The following HOXD12 variants were observed in gnomAD, a reference collection of about 807,000 sequenced individuals.
HOXD12 encodes homeobox D12.
A neutral mutation model predicts 20.2 loss-of-function variants in HOXD12; 21 were observed. That is an observed-to-expected ratio of 1.04 (90% CI 0.74 to 1.50). The LOEUF (loss-of-function observed/expected upper bound fraction) is 1.50, where lower values mean the gene tolerates loss of function less well. HOXD12 is among the 40% of genes most tolerant of loss of function. The pLI, the probability that HOXD12 is intolerant of heterozygous loss-of-function variation, is 0.00. For missense variants in HOXD12, 472 were observed against 365.5 expected (o/e 1.29, Z -2.38); for synonymous variants, 196 against 168.8 (o/e 1.16, Z -1.25).
Position 176,100,117 on chromosome 2 carries a change from G to C in HOXD12, c.316G>C (p.Ala106Pro), listed in dbSNP as rs1323289138. 3 of 1,609,338 alleles carry C rather than the reference G, an allele frequency of 1.9e-6. No individual in the cohort carries two copies. The highest frequency in any genetic ancestry group is 2.2e-5 in the East Asian group (1 of 44,850). The change falls in exon 1 of 2, where the codon GCC becomes CCC. Residue 106 changes from alanine (A) to proline (P), a missense_variant. Physicochemically the swap from Ala to Pro is conservative, Grantham distance 27. Transcript: ENST00000406506. ...GGCTAAGTTCTATGCGCCCGAAGCGGCCGCTGGGCCAGAGGAGCGCGGTCG... is the reference window on the plus strand; with the variant it reads ...GGCTAAGTTCTATGCGCCCGAAGCGCCCGCTGGGCCAGAGGAGCGCGGTCG... ...EQAKFYAPEA[A>P]AGPEERGRTR...
Position 176,101,837 on chromosome 2 carries a change from A to G in HOXD12, c.*1077A>G, listed in dbSNP as rs1559111670. ...TAAGGATAGGCAAAAATCCTTCTCA[A>G]GAGTCAAGGGGAGGGGAAGGAAGTC... is the stretch of plus-strand genomic sequence containing the variant. On this transcript the variant is annotated 3_prime_UTR_variant, in exon 2 of 2. Transcript: ENST00000406506. 6.6e-6 allele frequency among the ~76,000 whole-genome samples: 1 copy of G among 151,922 alleles called. No homozygotes were observed. Among genetic ancestry groups the G allele is most frequent in the African/African-American group, 2.4e-5 (1 of 41,354 alleles).
At position 176,100,068 on chromosome 2, in the gene HOXD12, A is replaced by G; in HGVS notation, c.267A>G (p.Thr89=). The G allele has an allele frequency of 1.9e-6, 3 of 1,594,162 alleles. No homozygotes were observed. Among genetic ancestry groups the G allele is most frequent in the Non-Finnish European group, 2.6e-6 (3 of 1,171,684 alleles). The change falls in exon 1 of 2, where the codon ACA becomes ACG. Residue 89 remains threonine, a synonymous_variant. Transcript: ENST00000406506. ...GSGPLGLQPP[T]AKDGPEEQAK... is the part of the protein sequence containing the mutation. ...GGCCTCTCGGCCTGCAGCCCCCAAC[A>G]GCCAAAGACGGACCCGAAGAGCAGG... is the stretch of plus-strand genomic sequence containing the variant.
At position 176,101,518 on chromosome 2, in the gene HOXD12, C is replaced by T. The variant is rs1432424966; in HGVS notation, c.*758C>T. On this transcript the variant is annotated 3_prime_UTR_variant, in exon 2 of 2. Transcript: ENST00000406506. The stretch of plus-strand genomic sequence containing the variant: ...GAGAGACTGGGACTCCAGACAAGTG[C>T]CATCTCCAGACAAGACTGGCAAACA... 6.6e-6 allele frequency among the ~76,000 whole-genome samples: 1 copy of T among 152,126 alleles called. No individual in the cohort carries two copies. The highest frequency in any genetic ancestry group is 2.4e-5 in the African/African-American group (1 of 41,436).
chr2:176,099,925 A>G lies in HOXD12; in HGVS notation c.124A>G (p.Ile42Val), dbSNP rs202101963. 1.1e-3 allele frequency: 1,782 copies of G among 1,594,272 alleles called. 7 individuals carry two copies. Among genetic ancestry groups the G allele is most frequent in the Non-Finnish European group, 1.0e-3 (1,188 of 1,173,106 alleles). The change falls in exon 1 of 2, where the codon ATC becomes GTC. Residue 42 changes from isoleucine to valine, a missense_variant. Coordinates refer to ENST00000406506, the MANE Select transcript of HOXD12 (RefSeq NM_021193.4). ...NGGQLAALPP[I>V]SYPRGALPWA... The stretch of plus-strand genomic sequence containing the variant: ...CGGCCAGTTGGCCGCGCTTCCCCCT[A>G]TCTCCTACCCGCGCGGCGCGCTGCC...
In HOXD12 at chr2:176,100,662, C is replaced by T. The variant is rs1689482268; in HGVS notation, c.715C>T (p.Leu239=). The T allele has an allele frequency of 6.2e-7, 1 of 1,613,854 alleles. No individual in the cohort carries two copies. Among genetic ancestry groups the T allele is most frequent in the Admixed American group, 1.7e-5 (1 of 60,006 alleles). Reference sequence around the variant, plus strand: ...GAAACGCAAGGAATTGTCCAATAGGCTGAACCTCAGCGACCAGCAAGTCAA... The same window carrying T: ...GAAACGCAAGGAATTGTCCAATAGGTTGAACCTCAGCGACCAGCAAGTCAA... ...RQKRKELSNR[L]NLSDQQVKIW... Residue 239 remains leucine, a synonymous_variant, in exon 2 of 2, where the codon CTG becomes TTG. Coordinates refer to ENST00000406506, the MANE Select transcript of HOXD12 (RefSeq NM_021193.4).
In HOXD12 at chr2:176,100,119, C is replaced by A; in HGVS notation, c.318C>A (p.Ala106=). Residue 106 remains alanine (A), a synonymous_variant, in exon 1 of 2, where the codon GCC becomes GCA. Transcript: ENST00000406506. The part of the protein sequence containing the change: ...EQAKFYAPEA[A]AGPEERGRTR... ...CTAAGTTCTATGCGCCCGAAGCGGCCGCTGGGCCAGAGGAGCGCGGTCGTA... is the reference window on the plus strand; with the variant it reads ...CTAAGTTCTATGCGCCCGAAGCGGCAGCTGGGCCAGAGGAGCGCGGTCGTA... 1.3e-5 allele frequency: 21 copies of A among 1,609,924 alleles called. No homozygotes were observed. Among genetic ancestry groups the A allele is most frequent in the East Asian group, 2.2e-5 (1 of 44,852 alleles).
rs1689460804 is a variant in HOXD12 at position 176,099,820 on chromosome 2, T to C, written c.19T>C (p.Tyr7His). 2 of 1,524,778 alleles carry C rather than the reference T, an allele frequency of 1.3e-6. No homozygotes were observed. The highest frequency in any genetic ancestry group is 2.6e-5 in the South Asian group (2 of 76,852). The allele number at this position is 1,524,778 out of a possible 1,614,324, so 94.5% of individuals were successfully genotyped here. The change falls in exon 1 of 2, where the codon TAC becomes CAC. Residue 7 changes from tyrosine to histidine, a missense_variant. Transcript: ENST00000406506. ...GTTGGAGATGTGTGAGCGCAGTCTC[T>C]ACAGAGCGGGCTATGTGGGCTCGCT... is the stretch of plus-strand genomic sequence containing the variant. MCERSL[Y>H]RAGYVGSLLN...
At position 176,101,097 on chromosome 2, in the gene HOXD12, A is replaced by C; in HGVS notation, c.*337A>C. ...CCGGTACCTGGATTTTTCTGTTTCC[A>C]CCCAATTCGTTCTCCCTTTCCCCCT... On this transcript the variant is annotated 3_prime_UTR_variant, in exon 2 of 2. Coordinates refer to ENST00000406506, the MANE Select transcript of HOXD12 (RefSeq NM_021193.4). The C allele has an allele frequency of 2.4e-6, 1 of 413,486 alleles. No individual in the cohort carries two copies. Among genetic ancestry groups the C allele is most frequent in the Non-Finnish European group, 4.4e-6 (1 of 228,498 alleles). 25.6% of individuals were successfully genotyped at this position (413,486 alleles called of 1,614,324 possible).
At chr2:176,100,499 C>T (rs1376263020) in intron 1 of HOXD12, 23 bp from the exon 2 acceptor site, 5 of 1,590,652 alleles carry the variant, frequency 3.1e-6, no homozygotes, top group Non-Finnish European at 4.3e-6. Context: ...GCTGGGTTGA[C>T]GTGGGTTGGG....
In HOXD12 at chr2:176,100,576, C is replaced by A. The variant is rs759776588; in HGVS notation, c.629C>A (p.Thr210Lys). The change falls in exon 2 of 2, where the codon ACG becomes AAG. Residue 210 changes from threonine (T) to lysine (K), a missense_variant. Transcript: ENST00000406506. ...GRARKKRKPYTKQQIAELENE... is the reference protein window; with the variant it reads ...GRARKKRKPYKKQQIAELENE... ...GCCCGCAAGAAGCGGAAACCCTACA[C>A]GAAGCAGCAGATTGCGGAGTTGGAG... 9.3e-6 allele frequency: 15 copies of A among 1,612,330 alleles called. No homozygotes were observed. The highest frequency in any genetic ancestry group is 1.1e-5 in the Non-Finnish European group (13 of 1,179,208).
At position 176,101,303 on chromosome 2, in the gene HOXD12, C is replaced by T. The variant is rs1188603136; in HGVS notation, c.*543C>T. On this transcript the variant is annotated 3_prime_UTR_variant, in exon 2 of 2. Coordinates refer to ENST00000406506, the MANE Select transcript of HOXD12 (RefSeq NM_021193.4). The stretch of plus-strand genomic sequence containing the variant: ...CACCATCCACCCTCCACCCTCCTGT[C>T]TGCCCTGGCTGATTTGAGAGAACAA... 1 of 153,928 alleles carries T rather than the reference C, an allele frequency of 6.5e-6. No homozygotes were observed. Among genetic ancestry groups the T allele is most frequent in the Admixed American group, 6.4e-5 (1 of 15,520 alleles). 9.5% of individuals were successfully genotyped at this position (153,928 alleles called of 1,614,324 possible).
At position 176,100,730 on chromosome 2, in the gene HOXD12, G is replaced by A; in HGVS notation, c.783G>A (p.Val261=). ...GGCGTATGAAGAAGAAGCGCGTGGT[G>A]CTTCGGGAGCAGGCGCTGGCGCTCT... The part of the protein sequence containing the change: ...QNRRMKKKRV[V]LREQALALY Residue 261 remains valine, a synonymous_variant, in exon 2 of 2, where the codon GTG becomes GTA. Transcript: ENST00000406506. 3.1e-6 allele frequency: 5 copies of A among 1,613,786 alleles called. No homozygotes were observed. In the South Asian group the frequency reaches 5.5e-5, roughly 18 times the overall value.
At position 176,100,327 on chromosome 2, in the gene HOXD12, G is replaced by T; in HGVS notation, c.526G>T (p.Val176Leu). The T allele has an allele frequency of 5.0e-6, 8 of 1,612,710 alleles. No individual in the cohort carries two copies. The highest frequency in any genetic ancestry group is 6.8e-6 in the Non-Finnish European group (8 of 1,179,854). Residue 176 changes from valine to leucine, a missense_variant, in exon 1 of 2, where the codon GTG (valine) becomes TTG (leucine). Transcript: ENST00000406506. ...GGGCCCGCTCAACTTGAACATGACA[G>T]TGCAGGCGGCGGGCGTTGCCTCTTG... ...TKGPLNLNMT[V>L]QAAGVASCLR...
rs1689462870 is a variant in HOXD12 at position 176,099,893 on chromosome 2, C to G, written c.92C>G (p.Pro31Arg). ...TCTTTCTACTTCTCCAACCTGAGGCCGAATGGCGGCCAGTTGGCCGCGCTT... is the reference window on the plus strand; with the variant it reads ...TCTTTCTACTTCTCCAACCTGAGGCGGAATGGCGGCCAGTTGGCCGCGCTT... The part of the protein sequence containing the change: ...PDSFYFSNLR[P>R]NGGQLAALPP... Residue 31 changes from proline (P) to arginine (R), a missense_variant, in exon 1 of 2, where the codon CCG becomes CGG. Physicochemically the swap from Pro to Arg is moderately radical, Grantham distance 103. Coordinates refer to ENST00000406506, the MANE Select transcript of HOXD12 (RefSeq NM_021193.4). The G allele has an allele frequency of 1.6e-5, 26 of 1,594,540 alleles. No individual in the cohort carries two copies. Among genetic ancestry groups the G allele is most frequent in the Non-Finnish European group, 2.2e-5 (26 of 1,173,094 alleles).
rs981501662 is a variant in HOXD12 at position 176,100,758 on chromosome 2, T to C, written c.811T>C (p.Ter271GlnextTer26). ...TCGGGAGCAGGCGCTGGCGCTCTAC[T>C]AGCCGCGCGCGTGGCCAGGGCCGGG... ...VLREQALALY[*>Q] Residue 271 changes from the stop codon to glutamine (Q), a stop_lost, in exon 2 of 2, where the codon TAG becomes CAG. Coordinates refer to ENST00000406506, the MANE Select transcript of HOXD12 (RefSeq NM_021193.4). 41 of 1,608,122 alleles carry C rather than the reference T, an allele frequency of 2.5e-5. No homozygotes were observed. The highest frequency in any genetic ancestry group is 1.1e-4 in the East Asian group (5 of 44,818).
intron 1 of HOXD12, 22 bp downstream of exon 1, chr2:176,100,397 C>T (rs745351121): frequency 3.1e-6 from 5 of 1,611,576 alleles, no homozygotes; most frequent in South Asian, 1.1e-5. Context: ...CCATGCTCCC[C>T]GGGCCGGTTT....
rs564098274 is a variant in HOXD12 at position 176,102,016 on chromosome 2, C to A, written c.*1256C>A. Reference sequence around the variant, plus strand: ...GCCTGTCCCAGTGGAGACTTTAAGGCCCTGGGCCCTGCCAGGCTTGCCTCA... The same window carrying A: ...GCCTGTCCCAGTGGAGACTTTAAGGACCTGGGCCCTGCCAGGCTTGCCTCA... On this transcript the variant is annotated 3_prime_UTR_variant, in exon 2 of 2. Transcript: ENST00000406506. 6.6e-6 allele frequency among the ~76,000 whole-genome samples: 1 copy of A among 152,344 alleles called. No individual in the cohort carries two copies. Among genetic ancestry groups the A allele is most frequent in the African/African-American group, 2.4e-5 (1 of 41,594 alleles).
Position 176,100,596 on chromosome 2 carries a change from T to A in HOXD12, c.649T>A (p.Leu217Met), listed in dbSNP as rs374634672. The change falls in exon 2 of 2, where the codon TTG becomes ATG. Residue 217 changes from leucine to methionine, a missense_variant. By Grantham distance (15) the Leu-to-Met change is conservative. Transcript: ENST00000406506. ...CTACACGAAGCAGCAGATTGCGGAG[T>A]TGGAGAACGAATTCCTCGTCAACGA... ...KPYTKQQIAE[L>M]ENEFLVNEFI... 3 of 1,612,780 alleles carry A rather than the reference T, an allele frequency of 1.9e-6. No individual in the cohort carries two copies. The highest frequency in any genetic ancestry group is 2.2e-5 in the South Asian group (2 of 90,880).
rs763774601 is a variant in HOXD12 at position 176,100,128 on chromosome 2, A to G, written c.327A>G (p.Pro109=). Residue 109 remains proline, a synonymous_variant, in exon 1 of 2, where the codon CCA becomes CCG. Transcript: ENST00000406506. The part of the protein sequence containing the change: ...KFYAPEAAAG[P]EERGRTRPSF... ...ATGCGCCCGAAGCGGCCGCTGGGCCAGAGGAGCGCGGTCGTACCCGGCCGT... is the reference window on the plus strand; with the variant it reads ...ATGCGCCCGAAGCGGCCGCTGGGCCGGAGGAGCGCGGTCGTACCCGGCCGT... 2 of 1,610,594 alleles carry G rather than the reference A, an allele frequency of 1.2e-6. No homozygotes were observed. The highest frequency in any genetic ancestry group is 1.7e-6 in the Non-Finnish European group (2 of 1,179,512).
Sources: allele counts gnomAD v4.1 joint callset (sites outside exome capture counted in the v4.1 genomes callset), GRCh38; gene constraint gnomAD v4.1.1; transcripts MANE v1.5; gene names NCBI Gene and HGNC (gene_info 2026-07-23, HGNC 2026-07-21).